CSMD1: variants seen among roughly 807,000 people sequenced by gnomAD.
The protein encoded by CSMD1 is CUB and Sushi multiple domains 1, also known as CUB and sushi domain-containing protein 1.
A neutral mutation model predicts 417.5 loss-of-function variants in CSMD1; 213 were observed. The observed-to-expected ratio is 0.51, with a 90% CI of 0.46 to 0.57. The LOEUF is 0.57. Ranked by LOEUF, CSMD1 falls within the 20% of genes least tolerant of loss-of-function variation. The pLI is 0.00. For missense variants in CSMD1, 6,923 were observed against 4,529.7 expected, an observed-to-expected ratio of 1.53 and a Z score of -15.17; for synonymous variants, 2,862 against 1,736.8, an observed-to-expected ratio of 1.65 and a Z score of -16.11.
At chr8:4,173,877 A>G (rs1584956992) in intron 3 of CSMD1, among the ~76,000 whole-genome samples, 1 of 152,112 alleles carries the variant, frequency 6.6e-6, no homozygotes, top group South Asian at 2.1e-4. Flanking sequence ...TCCGGGTTTG[A>G]AGTGGCAGCT....
chr8:4,272,323 C>T (rs1804655096), intron 3 of CSMD1, among the ~76,000 whole-genome samples: 1 of 152,050 alleles, frequency 6.6e-6, no homozygotes, highest in African/African-American at 2.4e-5. Flanking sequence ...CATAACAAAA[C>T]TACATTGAAC....
chr8:4,123,024 A>C (rs1383597837), intron 3 of CSMD1, among the ~76,000 whole-genome samples: 2 of 152,214 alleles, frequency 1.3e-5, no homozygotes, highest in Admixed American at 6.5e-5. Context: ...ACAAATTACA[A>C]TCAGAGACTG....
intron 1 of CSMD1, among the ~76,000 whole-genome samples, chr8:4,969,908 T>C (rs1810130262): frequency 6.6e-6 from 1 of 152,136 alleles, no homozygotes; most frequent in Non-Finnish European, 1.5e-5. Flanking sequence ...AGTTTAGAGT[T>C]TGAGTTTGAA....
At chr8:4,592,857 A>G (rs1033849522) in intron 2 of CSMD1, among the ~76,000 whole-genome samples, 1 of 152,142 alleles carries the variant, frequency 6.6e-6, no homozygotes, top group African/African-American at 2.4e-5. Context: ...ATGAATTTCC[A>G]TATTTATTGA....
rs73504767 is a variant in CSMD1 at position 3,816,966 on chromosome 8, C to T, written c.819-62924G>A. 3.4e-3 allele frequency among the ~76,000 whole-genome samples: 524 copies of T among 152,042 alleles called. 7 individuals are homozygous for T. Among genetic ancestry groups the T allele is most frequent in the African/African-American group, 0.012 (506 of 41,480 alleles). Reference sequence around the variant, plus strand: ...GCGAATCAAGAGAAAGATAAACCAACAAATAAATGATTAAACAGGTTCGAA... The same window carrying T: ...GCGAATCAAGAGAAAGATAAACCAATAAATAAATGATTAAACAGGTTCGAA... On this transcript the variant is annotated intron_variant, in intron 5 of 69. Transcript: ENST00000635120.
rs376765783 is a variant in CSMD1, at chr8:4,654,377, C to T, written c.86-16819G>A. ...CAGTATAATTCCCCTGCTGGGTCTCCACCCCTCTGATGCTCTCTATTCTGG... is the reference window on the plus strand; with the variant it reads ...CAGTATAATTCCCCTGCTGGGTCTCTACCCCTCTGATGCTCTCTATTCTGG... On this transcript the variant is annotated intron_variant, in intron 1 of 69. Transcript: ENST00000635120. Among the ~76,000 whole-genome samples, 4 of 152,194 alleles carry T rather than the reference C, an allele frequency of 2.6e-5. No homozygotes were observed. In the South Asian group the frequency reaches 8.3e-4, roughly 32 times the overall value.
At chr8:4,582,003 C>T (rs891490361) in intron 2 of CSMD1, among the ~76,000 whole-genome samples, 1 of 152,034 alleles carries the variant, frequency 6.6e-6, no homozygotes, top group African/African-American at 2.4e-5. Context: ...ATCTCAGTAG[C>T]CTACGATGAT....
Position 3,586,248 on chromosome 8 carries a change from A to G in CSMD1, c.1110T>C (p.Asn370=). ...RAGSDFRVGA[N]VQFSCEDNYV... Reference sequence around the variant, plus strand: ...AATTGTCCTCACATGAAAACTGTACATTTGCACCAACCCTAAGCCGTTAAA... The same window carrying G: ...AATTGTCCTCACATGAAAACTGTACGTTTGCACCAACCCTAAGCCGTTAAA... Residue 370 remains asparagine (N), a synonymous_variant, in exon 9 of 70, where the codon AAT becomes AAC. Coordinates refer to ENST00000635120, the MANE Select transcript of CSMD1 (RefSeq NM_033225.6). The G allele has an allele frequency of 1.2e-6, 2 of 1,606,838 alleles. No homozygotes were observed. The highest frequency in any genetic ancestry group is 1.7e-6 in the Non-Finnish European group (2 of 1,177,886).
chr8:4,581,573 T>C (rs968857682), intron 2 of CSMD1, among the ~76,000 whole-genome samples: 4 of 152,212 alleles, frequency 2.6e-5, no homozygotes, highest in Non-Finnish European at 4.4e-5. Flanking sequence ...AAATACTCAA[T>C]ATATCATTAA....
chr8:3,201,704 T>C lies in CSMD1; in HGVS notation c.5006A>G (p.Tyr1669Cys). The change falls in exon 32 of 70, where the codon TAT becomes TGT. Residue 1669 changes from tyrosine to cysteine, a missense_variant. Coordinates refer to ENST00000635120, the MANE Select transcript of CSMD1 (RefSeq NM_033225.6). The part of the protein sequence containing the change: ...KEFVVFGQFA[Y>C]FQTALNDLAE... ...CAAATCATTCAGGGCTGTCTGGAAATAGGCAAACTGTCCAAAGACCACTAA... is the reference window on the plus strand; with the variant it reads ...CAAATCATTCAGGGCTGTCTGGAAACAGGCAAACTGTCCAAAGACCACTAA... 1.2e-6 allele frequency: 2 copies of C among 1,601,168 alleles called. No homozygotes were observed. Among genetic ancestry groups the C allele is most frequent in the Non-Finnish European group, 1.7e-6 (2 of 1,173,406 alleles).
intron 3 of CSMD1, among the ~76,000 whole-genome samples, chr8:4,260,516 T>C (rs1424286629): frequency 6.6e-6 from 1 of 152,204 alleles, no homozygotes; most frequent in Non-Finnish European, 1.5e-5. Context: ...TAAAGAACAC[T>C]AGTCAAATGG....
intron 1 of CSMD1, among the ~76,000 whole-genome samples, chr8:4,719,441 G>T (rs1287352866): frequency 6.6e-6 from 1 of 151,672 alleles, no homozygotes; most frequent in Non-Finnish European, 1.5e-5. Flanking sequence ...TAAGTCTCAG[G>T]CATTTGCTGC....
intron 41 of CSMD1, among the ~76,000 whole-genome samples, chr8:3,122,252 TA>T (rs1297264232): frequency 6.6e-6 from 1 of 152,132 alleles, no homozygotes; most frequent in African/African-American, 2.4e-5. Context: ...ATTTGCCAAT[TA>T]AAAATGTTAT....
chr8:3,781,263 C>T (rs185403045), intron 5 of CSMD1, among the ~76,000 whole-genome samples: 1 of 152,162 alleles, frequency 6.6e-6, no homozygotes, highest in Non-Finnish European at 1.5e-5. Flanking sequence ...TGCACTACCA[C>T]AGAGTACATG....
rs562219376 is a variant in CSMD1, at chr8:4,223,197, C to T, written c.416-191098G>A. Among the ~76,000 whole-genome samples the T allele has an allele frequency of 1.4e-4, 22 of 152,206 alleles. No homozygotes were observed. The South Asian group carries it at 3.1e-3, about 22-fold the overall frequency. ...CGGGAGTTAATAAAAGTCACTTCTGCACCCCGAGAAAAGCCACAAATGAAA... is the reference window on the plus strand; with the variant it reads ...CGGGAGTTAATAAAAGTCACTTCTGTACCCCGAGAAAAGCCACAAATGAAA... On this transcript the variant is annotated intron_variant, in intron 3 of 69. Coordinates refer to ENST00000635120, the MANE Select transcript of CSMD1 (RefSeq NM_033225.6).
chr8:4,010,801 C>G (rs1451733225), intron 4 of CSMD1, among the ~76,000 whole-genome samples: 1 of 152,176 alleles, frequency 6.6e-6, no homozygotes, highest in Non-Finnish European at 1.5e-5. Flanking sequence ...GCCATCATCA[C>G]AGTAAAACAC....
At chr8:4,004,807 C>T (rs1311964645) in intron 4 of CSMD1, among the ~76,000 whole-genome samples, 3 of 151,888 alleles carry the variant, frequency 2.0e-5, no homozygotes, top group Non-Finnish European at 4.4e-5. Flanking sequence ...TGCAGTGGCG[C>T]GATCTTGGCT....
At chr8:4,295,395 T>G (rs1383466784) in intron 3 of CSMD1, among the ~76,000 whole-genome samples, 2 of 144,850 alleles carry the variant, frequency 1.4e-5, no homozygotes, top group Non-Finnish European at 3.0e-5. Flanking sequence ...CATATAATCT[T>G]AAGATTATAT....
chr8:4,083,568 C>G (rs1800257519), intron 3 of CSMD1, among the ~76,000 whole-genome samples: 1 of 152,068 alleles, frequency 6.6e-6, no homozygotes. Flanking sequence ...TTTGACAAAC[C>G]TGACAAAAAG....
Sources: allele counts gnomAD v4.1 joint callset (sites outside exome capture counted in the v4.1 genomes callset), GRCh38; gene constraint gnomAD v4.1.1; transcripts MANE v1.5; gene names NCBI Gene and HGNC (gene_info 2026-07-23, HGNC 2026-07-21).